Variants in ATP8B4 observed in about 807,000 individuals in gnomAD.
ATP8B4 encodes the protein probable phospholipid-transporting ATPase IM.
ATP8B4 carries 133 observed loss-of-function variants against 145.6 expected under a neutral mutation model. That is an observed-to-expected ratio of 0.91 (90% CI 0.79 to 1.05). The LOEUF (loss-of-function observed/expected upper bound fraction) is 1.05. Among genes scored for constraint, ATP8B4 ranks in the 50% least tolerant of loss-of-function variants. The pLI is 0.00. For synonymous variants in ATP8B4, 507 were observed against 492.9 expected, an observed-to-expected ratio of 1.03 and a Z score of -0.38; for missense variants, 1,458 against 1,425.2, an observed-to-expected ratio of 1.02 and a Z score of -0.37.
chr15:50,025,774 C>T (rs1399834237), intron 6 of ATP8B4, among the ~76,000 whole-genome samples: 1 of 152,206 alleles, frequency 6.6e-6, no homozygotes, highest in African/African-American at 2.4e-5. Context: ...TTGCAGAGAA[C>T]ATGTCTGTTT....
intron 26 of ATP8B4, among the ~76,000 whole-genome samples, chr15:49,863,350 C>T (rs1360112380): frequency 1.3e-5 from 2 of 152,174 alleles, no homozygotes; most frequent in African/African-American, 2.4e-5. Flanking sequence ...AGCCTGAAGC[C>T]AGTTTCCTTA....
chr15:50,040,112 C>T (rs1381305241), intron 5 of ATP8B4, among the ~76,000 whole-genome samples: 1 of 152,242 alleles, frequency 6.6e-6, no homozygotes, highest in East Asian at 1.9e-4. Context: ...TTCGTCTCCA[C>T]TCTGCCCTGT....
At chr15:50,039,689 G>T (rs1464895009) in intron 5 of ATP8B4, among the ~76,000 whole-genome samples, 1 of 152,164 alleles carries the variant, frequency 6.6e-6, no homozygotes, top group Non-Finnish European at 1.5e-5. Flanking sequence ...CAGAAACTTC[G>T]ATTTCATAGA....
intron 7 of ATP8B4, among the ~76,000 whole-genome samples, chr15:50,003,490 T>A (rs1477271630): frequency 2.0e-5 from 3 of 152,214 alleles, no homozygotes; most frequent in African/African-American, 7.2e-5. Flanking sequence ...GAAAGCCACA[T>A]AAAGAAAGTG....
At chr15:49,884,678 G>A (rs1048036341) in intron 23 of ATP8B4, among the ~76,000 whole-genome samples, 1 of 148,102 alleles carries the variant, frequency 6.8e-6, no homozygotes, top group African/African-American at 2.5e-5. Flanking sequence ...TAATGTAATT[G>A]AGAGCATACA....
intron 23 of ATP8B4, among the ~76,000 whole-genome samples, chr15:49,883,802 A>G (rs938877185): frequency 6.6e-6 from 1 of 152,140 alleles, no homozygotes. Flanking sequence ...TTAAAAAAAA[A>G]CCCAAAGGGG....
chr15:49,941,616 A>G (rs1249302181), intron 14 of ATP8B4, among the ~76,000 whole-genome samples: 1 of 152,214 alleles, frequency 6.6e-6, no homozygotes, highest in African/African-American at 2.4e-5. Flanking sequence ...TACACCCTCT[A>G]TGGAAAACAA....
At chr15:50,090,023 T>C (rs888780684) in intron 2 of ATP8B4, among the ~76,000 whole-genome samples, 1 of 152,158 alleles carries the variant, frequency 6.6e-6, no homozygotes, top group Non-Finnish European at 1.5e-5. Flanking sequence ...CATGGAATAC[T>C]ATGCAGCCAT....
intron 23 of ATP8B4, among the ~76,000 whole-genome samples, chr15:49,882,179 C>T (rs2035527363): frequency 6.6e-6 from 1 of 152,108 alleles, no homozygotes; most frequent in South Asian, 2.1e-4. Flanking sequence ...AGGCACAGCT[C>T]AATCTGTCAG....
At chr15:49,934,485 CAA>C (rs938981795) in intron 14 of ATP8B4, among the ~76,000 whole-genome samples, 2 of 152,016 alleles carry the variant, frequency 1.3e-5, no homozygotes, top group African/African-American at 2.4e-5. Flanking sequence ...ACAGAAAATG[CAA>C]AGTTTTTTCA....
chr15:50,174,524 A>G (rs2044734265), intron 1 of ATP8B4, among the ~76,000 whole-genome samples: 1 of 151,466 alleles, frequency 6.6e-6, no homozygotes, highest in East Asian at 1.9e-4. Context: ...AATCAAATCA[A>G]GCACTCGATC....
chr15:50,030,801 T>C (rs1462292510), intron 6 of ATP8B4, among the ~76,000 whole-genome samples: 1 of 152,244 alleles, frequency 6.6e-6, no homozygotes, highest in Non-Finnish European at 1.5e-5. Flanking sequence ...GTTTTGAAAG[T>C]GTTATAATTT....
At chr15:50,107,524 TATC>T (rs1256804549) in intron 1 of ATP8B4, among the ~76,000 whole-genome samples, 1 of 152,160 alleles carries the variant, frequency 6.6e-6, no homozygotes, top group Admixed American at 6.5e-5. Flanking sequence ...ACCAGAATAA[TATC>T]ATTATTATAT....
At chr15:49,888,176 C>G (rs913765645) in intron 23 of ATP8B4, among the ~76,000 whole-genome samples, 1 of 152,184 alleles carries the variant, frequency 6.6e-6, no homozygotes, top group Non-Finnish European at 1.5e-5. Context: ...AGGAGTGACC[C>G]AGGCCTGAGC....
intron 23 of ATP8B4, chr15:49,880,369 A>C (rs2035199033): frequency 6.6e-6 from 1 of 152,228 alleles, no homozygotes; most frequent in South Asian, 2.1e-4. Context: ...GGCCCCATGA[A>C]ACAACCCTAA....
chr15:50,023,540 C>T (rs2153583092), intron 6 of ATP8B4, among the ~76,000 whole-genome samples: 1 of 152,182 alleles, frequency 6.6e-6, no homozygotes, highest in African/African-American at 2.4e-5. Context: ...GCCTCTGTTG[C>T]TTATTGTTTT....
chr15:49,918,997 T>C (rs1306687340), intron 18 of ATP8B4, 47 bp from the exon 19 acceptor site: 17 of 1,331,598 alleles, frequency 1.3e-5, no homozygotes, highest in Non-Finnish European at 1.8e-5. Context: ...ATGCAAACAA[T>C]ATCTATAACA....
intron 2 of ATP8B4, among the ~76,000 whole-genome samples, chr15:50,101,989 G>T (rs1161891862): frequency 6.6e-6 from 1 of 152,110 alleles, no homozygotes; most frequent in East Asian, 1.9e-4. Flanking sequence ...GCTCCTGAAT[G>T]ATCATTGGGT....
intron 23 of ATP8B4, chr15:49,883,294 C>T (rs1272422264): frequency 6.6e-6 from 1 of 152,080 alleles, no homozygotes; most frequent in Non-Finnish European, 1.5e-5. Flanking sequence ...GCATAGCGTG[C>T]CCTCATCATC....
Sources: allele counts gnomAD v4.1 joint callset (sites outside exome capture counted in the v4.1 genomes callset), GRCh38; gene constraint gnomAD v4.1.1; transcripts MANE v1.5; gene names NCBI Gene and HGNC (gene_info 2026-07-23, HGNC 2026-07-21).